Variants in VTI1A observed in about 807,000 individuals in gnomAD.
VTI1A encodes the protein vesicle transport through interaction with t-SNAREs 1A.
VTI1A carries 22 observed loss-of-function variants against 34.9 expected under a neutral mutation model. The ratio of observed to expected loss-of-function variants is 0.63; its 90% CI spans 0.45 to 0.90. The LOEUF is 0.90. Among genes scored for constraint, VTI1A ranks in the 40% least tolerant of loss-of-function variants. VTI1A has a pLI of 0.00. For missense variants in VTI1A, 268 were observed against 275.6 expected, an observed-to-expected ratio of 0.97 and a Z score of 0.20; for synonymous variants, 87 against 97.3, an observed-to-expected ratio of 0.89 and a Z score of 0.62.
chr10:112,681,860 T>C lies in VTI1A; in HGVS notation c.560+12862T>C, dbSNP rs146657181. ...GAATGTTGGCAGAGTACATAAATTA[T>C]TTTATTGTGGCATATTATTAACTTG... is the stretch of plus-strand genomic sequence containing the variant. On this transcript the variant is annotated intron_variant, in intron 7 of 7. Coordinates refer to ENST00000393077, the MANE Select transcript of VTI1A (RefSeq NM_145206.4). Among the ~76,000 whole-genome samples, 668 of 152,334 alleles carry C rather than the reference T, an allele frequency of 4.4e-3. 1 individual carries two copies. The highest frequency in any genetic ancestry group is 0.01 in the Middle Eastern group (3 of 294).
chr10:112,496,621 A>G (rs915409772), intron 3 of VTI1A, among the ~76,000 whole-genome samples: 1 of 152,160 alleles, frequency 6.6e-6, no homozygotes, highest in Non-Finnish European at 1.5e-5. Context: ...TTATTGCTTT[A>G]TTAAACAAAT....
chr10:112,489,273 A>G (rs1305699989), intron 3 of VTI1A, among the ~76,000 whole-genome samples: 1 of 152,164 alleles, frequency 6.6e-6, no homozygotes, highest in Non-Finnish European at 1.5e-5. Flanking sequence ...CAGCTCTGTC[A>G]ATTTCCTGGA....
In VTI1A at chr10:112,627,595, C is replaced by T. The variant is rs565669439; in HGVS notation, c.428-40623C>T. Among the ~76,000 whole-genome samples, 10 of 152,142 alleles carry T rather than the reference C, an allele frequency of 6.6e-5. No individual in the cohort carries two copies. The East Asian group carries it at 7.7e-4, about 12-fold the overall frequency. ...TTTGAGGGTTTCTCCCCTATGTATTCGTATGTTTTGTCTGTATCTAAGTAC... is the reference window on the plus strand; with the variant it reads ...TTTGAGGGTTTCTCCCCTATGTATTTGTATGTTTTGTCTGTATCTAAGTAC... On this transcript the variant is annotated intron_variant, in intron 5 of 7. Coordinates refer to ENST00000393077, the MANE Select transcript of VTI1A (RefSeq NM_145206.4).
chr10:112,516,173 C>T (rs1849769136), intron 3 of VTI1A, among the ~76,000 whole-genome samples: 1 of 152,044 alleles, frequency 6.6e-6, no homozygotes, highest in African/African-American at 2.4e-5. Flanking sequence ...ATCCATATTC[C>T]TCAGGTCCAC....
intron 1 of VTI1A, among the ~76,000 whole-genome samples, chr10:112,455,177 T>C (rs562507821): frequency 0.055 from 32 of 582 alleles, 1 homozygote; most frequent in African/African-American, 0.11. Context: ...CCTCCTCCCC[T>C]CCCCTCCTCC....
chr10:112,580,145 A>G (rs1408195962), intron 5 of VTI1A, among the ~76,000 whole-genome samples: 2 of 152,346 alleles, frequency 1.3e-5, no homozygotes, highest in East Asian at 3.9e-4. Flanking sequence ...AAGGAACCTC[A>G]TTGATCATTT....
At chr10:112,605,734 T>A (rs1299501652) in intron 5 of VTI1A, among the ~76,000 whole-genome samples, 1 of 152,122 alleles carries the variant, frequency 6.6e-6, no homozygotes, top group Non-Finnish European at 1.5e-5. Flanking sequence ...TCCACAATTA[T>A]GATGGCTTAG....
Position 112,811,683 on chromosome 10 carries a change from CAAAAAAAA to C in VTI1A, c.561-3585_561-3578del, listed in dbSNP as rs869030543. On this transcript the variant is annotated intron_variant, in intron 7 of 7. Coordinates refer to ENST00000393077, the MANE Select transcript of VTI1A (RefSeq NM_145206.4). ...TGGGCGACAGAGCGAGACTCCGTCT[CAAAAAAAA>C]AAAAAAAAAAAAAAAAAAAAAGAGT... 2.3e-3 allele frequency among the ~76,000 whole-genome samples: 27 copies of C among 11,844 alleles called. 1 individual carries two copies. Among genetic ancestry groups the C allele is most frequent in the African/African-American group, 6.9e-3 (20 of 2,882 alleles). 7.8% of individuals were successfully genotyped at this position (11,844 alleles called of 152,430 possible).
At chr10:112,815,089 C>T (rs183577197) in intron 7 of VTI1A, among the ~76,000 whole-genome samples, 122 of 151,420 alleles carry the variant, frequency 8.1e-4, no homozygotes, top group African/African-American at 2.3e-3. Context: ...TTCGTTTCCT[C>T]GTGGATCGTT....
intron 5 of VTI1A, among the ~76,000 whole-genome samples, chr10:112,568,525 G>C (rs1043872987): frequency 6.6e-6 from 1 of 151,830 alleles, no homozygotes; most frequent in Non-Finnish European, 1.5e-5. Flanking sequence ...AAAAAAAATT[G>C]TGATGGAGCT....
chr10:112,739,959 T>C lies in VTI1A; in HGVS notation c.560+70961T>C, dbSNP rs557098724. ...TTAATCATTTTTTTTAAATTATGCA[T>C]TGCAATTAAGACTGGGTTTGTTCTC... On this transcript the variant is annotated intron_variant, in intron 7 of 7. Coordinates refer to ENST00000393077, the MANE Select transcript of VTI1A (RefSeq NM_145206.4). Among the ~76,000 whole-genome samples the C allele has an allele frequency of 2.6e-5, 4 of 152,356 alleles. No individual in the cohort carries two copies. In the East Asian group the frequency reaches 7.7e-4, roughly 29 times the overall value.
chr10:112,794,626 T>C (rs1287364367), intron 7 of VTI1A, among the ~76,000 whole-genome samples: 1 of 152,152 alleles, frequency 6.6e-6, no homozygotes, highest in African/African-American at 2.4e-5. Flanking sequence ...ACAATCATTA[T>C]TTACATTTCA....
At chr10:112,457,719 A>T (rs11195965) in intron 1 of VTI1A, among the ~76,000 whole-genome samples, 26,948 of 152,162 alleles carry the variant, frequency 0.18, 2,874 homozygotes, top group African/African-American at 0.3. Flanking sequence ...GACATAGACG[A>T]TAGTCATAAG....
chr10:112,832,669 T>G, the VTI1A span, among the ~76,000 whole-genome samples: 1 of 152,258 alleles, frequency 6.6e-6, no homozygotes, highest in Non-Finnish European at 1.5e-5. Flanking sequence ...GGGTGGCCCC[T>G]GCATCCAATA....
chr10:112,746,624 G>A (rs918467736), intron 7 of VTI1A, among the ~76,000 whole-genome samples: 10 of 151,994 alleles, frequency 6.6e-5, no homozygotes, highest in African/African-American at 2.4e-4. Flanking sequence ...GCTAACAAGC[G>A]TGAACCGATA....
At chr10:112,540,045 G>A (rs575081602) in intron 5 of VTI1A, among the ~76,000 whole-genome samples, 19 of 152,222 alleles carry the variant, frequency 1.2e-4, no homozygotes, top group African/African-American at 4.6e-4. Context: ...TTTCCACATG[G>A]GGCTGGTTCA....
At chr10:112,652,081 A>G (rs946728628) in intron 5 of VTI1A, among the ~76,000 whole-genome samples, 1 of 152,368 alleles carries the variant, frequency 6.6e-6, no homozygotes, top group Middle Eastern at 3.4e-3. Context: ...GAAAAAAGAA[A>G]AAAACAGGCA....
At chr10:112,742,192 G>C (rs1017062136) in intron 7 of VTI1A, among the ~76,000 whole-genome samples, 4 of 152,184 alleles carry the variant, frequency 2.6e-5, no homozygotes, top group Admixed American at 6.5e-5. Context: ...GCAGGTAAAG[G>C]CTAACTGGCA....
intron 5 of VTI1A, among the ~76,000 whole-genome samples, chr10:112,539,996 C>A (rs1161596252): frequency 6.6e-6 from 1 of 152,138 alleles, no homozygotes; most frequent in East Asian, 1.9e-4. Flanking sequence ...ACCATAATCA[C>A]AGGGACCTTC....
Sources: allele counts gnomAD v4.1 joint callset (sites outside exome capture counted in the v4.1 genomes callset), GRCh38; gene constraint gnomAD v4.1.1; transcripts MANE v1.5; gene names NCBI Gene and HGNC (gene_info 2026-07-23, HGNC 2026-07-21).